SHISA9: variants seen among roughly 807,000 people sequenced by gnomAD.
SHISA9 encodes the protein protein shisa-9.
Under a neutral mutation model 38.0 loss-of-function variants are expected in SHISA9, and 13 were observed. That is an observed-to-expected ratio of 0.34 (90% confidence interval 0.22 to 0.54). The LOEUF is 0.54. Among genes scored for constraint, SHISA9 ranks in the 20% least tolerant of loss-of-function variants. The pLI is 0.91. For synonymous variants in SHISA9, 275 were observed against 242.0 expected (o/e 1.14, Z -1.27); for missense variants, 538 against 575.8 (o/e 0.93, Z 0.67).
chr16:13,468,488 C>T, the SHISA9 span, among the ~76,000 whole-genome samples: 4 of 152,194 alleles, frequency 2.6e-5, no homozygotes, highest in African/African-American at 9.6e-5. Context: ...CCATCTGCCT[C>T]CAACTTTTTA....
chr16:13,116,501 G>T (rs530158476), intron 2 of SHISA9, among the ~76,000 whole-genome samples: 42 of 152,310 alleles, frequency 2.8e-4, no homozygotes, highest in South Asian at 6.2e-4. Flanking sequence ...AGGGATGTCT[G>T]TTAAGAGCTG....
intron 2 of SHISA9, among the ~76,000 whole-genome samples, chr16:13,068,453 A>G (rs1055300853): frequency 1.3e-5 from 2 of 152,180 alleles, no homozygotes; most frequent in African/African-American, 4.8e-5. Context: ...CTCTCCCTTC[A>G]CTAGGGGACA....
chr16:13,339,165 C>CTTTTTTTTTTTTT, the SHISA9 span, among the ~76,000 whole-genome samples: 4 of 132,856 alleles, frequency 3.0e-5, 2 homozygotes, highest in Non-Finnish European at 3.1e-5. Flanking sequence ...CTTATTGTGA[C>CTTTTTTTTTTTTT]TTTTTTTTTT....
the SHISA9 span, among the ~76,000 whole-genome samples, chr16:13,545,187 A>G: frequency 6.6e-6 from 1 of 152,240 alleles, no homozygotes; most frequent in South Asian, 2.1e-4. Context: ...GATCCAAAGA[A>G]GCCGAATAAT....
At chr16:13,131,262 A>C (rs1356037893) in intron 2 of SHISA9, among the ~76,000 whole-genome samples, 3 of 152,218 alleles carry the variant, frequency 2.0e-5, no homozygotes, top group Non-Finnish European at 2.9e-5. Context: ...AAAAATATAC[A>C]TCATGAAATA....
the SHISA9 span, among the ~76,000 whole-genome samples, chr16:13,334,475 G>T: frequency 6.6e-6 from 1 of 152,116 alleles, no homozygotes; most frequent in Non-Finnish European, 1.5e-5. Context: ...GATTTACTGT[G>T]AAGAATAAAT....
the SHISA9 span, among the ~76,000 whole-genome samples, chr16:13,252,633 C>T: frequency 2.0e-5 from 3 of 152,172 alleles, no homozygotes; most frequent in African/African-American, 7.2e-5. Context: ...TGTCTCCTGG[C>T]CTGTCTTAAC....
chr16:13,266,112 A>T, the SHISA9 span, among the ~76,000 whole-genome samples: 1 of 152,208 alleles, frequency 6.6e-6, no homozygotes, highest in Non-Finnish European at 1.5e-5. Context: ...AAGCAATTGC[A>T]TGCACATAGT....
In SHISA9 at chr16:13,215,369, G is replaced by A. The variant is rs545071879; in HGVS notation, c.895+2069G>A. Among the ~76,000 whole-genome samples, 24 of 152,318 alleles carry A rather than the reference G, an allele frequency of 1.6e-4. No individual in the cohort carries two copies. In the South Asian group the frequency reaches 5.0e-3, roughly 32 times the overall value. On this transcript the variant is annotated intron_variant, in intron 4 of 4. Coordinates refer to ENST00000558583, the MANE Select transcript of SHISA9 (RefSeq NM_001145204.3). ...AGAGCTTTACATCAGTGTATTTAAT[G>A]AGAATCCCCTGACTACCTGGCTGTT...
the SHISA9 span, among the ~76,000 whole-genome samples, chr16:13,323,074 A>T: frequency 2.6e-5 from 4 of 152,200 alleles, no homozygotes; most frequent in African/African-American, 9.7e-5. Flanking sequence ...CCCCAGCTCA[A>T]TGTTAGTTAA....
chr16:13,508,652 A>T, the SHISA9 span, among the ~76,000 whole-genome samples: 1 of 152,346 alleles, frequency 6.6e-6, no homozygotes, highest in East Asian at 1.9e-4. Flanking sequence ...GATAAAATTC[A>T]TTGTAGATTT....
chr16:13,469,377 G>GAAAGAAAGAAAAGAA, the SHISA9 span, among the ~76,000 whole-genome samples: 1 of 93,798 alleles, frequency 1.1e-5, no homozygotes, highest in Admixed American at 1.1e-4. Flanking sequence ...AAGAAAGAAA[G>GAAAGAAAGAAAAGAA]AAAGAAAGAA....
At chr16:13,008,541 T>A (rs2072626676) in intron 2 of SHISA9, among the ~76,000 whole-genome samples, 1 of 152,116 alleles carries the variant, frequency 6.6e-6, no homozygotes, top group African/African-American at 2.4e-5. Flanking sequence ...GCTGTCCTCA[T>A]GATAGTGAGT....
intron 1 of SHISA9, 64 bp from the exon 2 acceptor site, chr16:12,916,624 G>T: frequency 6.6e-7 from 1 of 1,514,554 alleles, no homozygotes; most frequent in South Asian, 1.3e-5. Flanking sequence ...TGCAGTACTC[G>T]GCGCATAGCA....
At chr16:12,954,027 G>T (rs1478170037) in intron 2 of SHISA9, among the ~76,000 whole-genome samples, 1 of 152,132 alleles carries the variant, frequency 6.6e-6, no homozygotes, top group African/African-American at 2.4e-5. Flanking sequence ...TTTGAGATGA[G>T]ATTTGGGTGG....
At chr16:12,961,542 T>TC (rs1369531938) in intron 2 of SHISA9, among the ~76,000 whole-genome samples, 13 of 152,040 alleles carry the variant, frequency 8.6e-5, no homozygotes, top group Non-Finnish European at 1.6e-4. Context: ...AAAGGATGTG[T>TC]CTGTATCCTG....
At chr16:13,388,152 C>T in the SHISA9 span, among the ~76,000 whole-genome samples, 1 of 152,032 alleles carries the variant, frequency 6.6e-6, no homozygotes, top group Non-Finnish European at 1.5e-5. Context: ...TCCACTTATT[C>T]ATCCTGTGGA....
chr16:12,969,638 T>C (rs2141805695), intron 2 of SHISA9, among the ~76,000 whole-genome samples: 1 of 152,188 alleles, frequency 6.6e-6, no homozygotes, highest in Middle Eastern at 3.4e-3. Context: ...TCCCAGCTAC[T>C]CAGGAGGCTG....
At chr16:13,099,846 C>G (rs2073861618) in intron 2 of SHISA9, among the ~76,000 whole-genome samples, 1 of 152,224 alleles carries the variant, frequency 6.6e-6, no homozygotes, top group East Asian at 1.9e-4. Context: ...TTATACTTTA[C>G]AAATCCCAGG....
Sources: gnomAD v4.1 joint callset for allele counts (sites outside exome capture counted in the v4.1 genomes callset) on GRCh38, gnomAD v4.1.1 for gene constraint, MANE v1.5 for transcripts, NCBI Gene and HGNC (gene_info 2026-07-23, HGNC 2026-07-21) for gene names.